Variants in OSBPL10 observed in about 807,000 individuals in gnomAD.
OSBPL10 encodes the protein oxysterol binding protein like 10, also known as oxysterol-binding protein-related protein 10.
Under a neutral mutation model 81.7 loss-of-function variants are expected in OSBPL10, and 49 were observed. That is an observed-to-expected ratio of 0.60 (90% confidence interval 0.48 to 0.76). The LOEUF (loss-of-function observed/expected upper bound fraction) is 0.76, where lower values mean the gene tolerates loss of function less well. Ranked by LOEUF, OSBPL10 falls within the 30% of genes least tolerant of loss-of-function variation. The pLI, the probability that OSBPL10 is intolerant of heterozygous loss-of-function variation, is 0.00. For missense variants in OSBPL10, 923 were observed against 987.8 expected (o/e 0.93, Z 0.88); for synonymous variants, 419 against 383.6 (o/e 1.09, Z -1.08).
chr3:31,910,414 T>A (rs1245465451), intron 1 of OSBPL10, among the ~76,000 whole-genome samples: 3 of 151,226 alleles, frequency 2.0e-5, no homozygotes, highest in Admixed American at 2.0e-4. Flanking sequence ...GCAGGCAGAT[T>A]ACCTGAGATC....
At chr3:31,664,482 G>C in intron 10 of OSBPL10, 1 of 573,236 alleles carries the variant, frequency 1.7e-6, no homozygotes, top group Non-Finnish European at 3.1e-6. Context: ...GGAGATTCTG[G>C]GAATCAAATC....
chr3:31,989,021 C>T, intron 2 of OSBPL10: 1 of 1,596,474 alleles, frequency 6.3e-7, no homozygotes, highest in Non-Finnish European at 8.6e-7. Context: ...TAATACAGAG[C>T]AGGAAGCAGA....
intron 4 of OSBPL10, among the ~76,000 whole-genome samples, chr3:31,748,394 G>A (rs1467447890): frequency 6.6e-6 from 1 of 152,152 alleles, no homozygotes; most frequent in Non-Finnish European, 1.5e-5. Context: ...AGATCTTCTG[G>A]AGGTAAGTCA....
intron 2 of OSBPL10, among the ~76,000 whole-genome samples, chr3:32,008,710 A>G: frequency 6.6e-6 from 1 of 150,824 alleles, no homozygotes. Flanking sequence ...AGATTGCACT[A>G]CTACACTCCA....
intron 5 of OSBPL10, among the ~76,000 whole-genome samples, chr3:31,733,904 G>C (rs904270075): frequency 6.6e-6 from 1 of 151,888 alleles, no homozygotes; most frequent in African/African-American, 2.4e-5. Flanking sequence ...CAGCTACTCG[G>C]GAGGCTGAGG....
intron 2 of OSBPL10, among the ~76,000 whole-genome samples, chr3:32,003,619 A>G (rs1252467260): frequency 6.6e-6 from 1 of 152,224 alleles, no homozygotes; most frequent in Non-Finnish European, 1.5e-5. Context: ...GAGGGAACAG[A>G]CTGCACAGTG....
At chr3:31,923,212 G>A (rs1696968418) in intron 1 of OSBPL10, among the ~76,000 whole-genome samples, 1 of 152,118 alleles carries the variant, frequency 6.6e-6, no homozygotes. Flanking sequence ...CCAGACTGGT[G>A]GAGGAAAGGG....
At chr3:31,989,566 C>T in intron 2 of OSBPL10, 1 of 1,614,190 alleles carries the variant, frequency 6.2e-7, no homozygotes, top group Non-Finnish European at 8.5e-7. Flanking sequence ...TCATTCGCAT[C>T]TTCCTGAACT....
intron 1 of OSBPL10, among the ~76,000 whole-genome samples, chr3:31,939,252 C>A (rs2125735659): frequency 6.7e-6 from 1 of 149,898 alleles, no homozygotes; most frequent in Admixed American, 6.7e-5. Flanking sequence ...TCAAACGATT[C>A]TCCTGCCTCA....
chr3:31,733,144 T>C, intron 6 of OSBPL10, 113 bp downstream of exon 6: 1 of 1,443,252 alleles, frequency 6.9e-7, no homozygotes, highest in Non-Finnish European at 9.4e-7. Flanking sequence ...CTTCCATTTT[T>C]TAATTTGTCT....
chr3:31,945,444 C>T (rs998354106), intron 1 of OSBPL10, among the ~76,000 whole-genome samples: 1 of 152,290 alleles, frequency 6.6e-6, no homozygotes, highest in South Asian at 2.1e-4. Context: ...CTTGCTTTGA[C>T]CAGAATCAGG....
chr3:32,029,936 G>T (rs1033474427), intron 2 of OSBPL10, among the ~76,000 whole-genome samples: 7 of 152,086 alleles, frequency 4.6e-5, no homozygotes, highest in African/African-American at 1.7e-4. Context: ...ATATCTGAAA[G>T]CAATAAACAC....
intron 2 of OSBPL10, among the ~76,000 whole-genome samples, chr3:32,028,163 A>G: frequency 6.6e-6 from 1 of 152,186 alleles, no homozygotes; most frequent in Non-Finnish European, 1.5e-5. Flanking sequence ...GAGGACATAC[A>G]CATGTGCATA....
intron 5 of OSBPL10, among the ~76,000 whole-genome samples, chr3:31,733,967 G>A (rs1033017386): frequency 1.4e-4 from 21 of 151,634 alleles, no homozygotes; most frequent in Non-Finnish European, 2.2e-4. Flanking sequence ...CTGAGATTGC[G>A]CCACTGCACT....
chr3:31,990,790 T>C (rs765450560), intron 2 of OSBPL10: 2 of 1,611,466 alleles, frequency 1.2e-6, no homozygotes, highest in African/African-American at 2.7e-5. Context: ...ATGTGATGAT[T>C]TTGACGAGGC....
chr3:31,884,950 G>A (rs1385212368), intron 1 of OSBPL10, among the ~76,000 whole-genome samples: 1 of 152,084 alleles, frequency 6.6e-6, no homozygotes, highest in Non-Finnish European at 1.5e-5. Context: ...GGGAGAAAGG[G>A]AAAATGAGGG....
At chr3:31,741,334 G>C (rs546731537) in intron 5 of OSBPL10, among the ~76,000 whole-genome samples, 1 of 152,130 alleles carries the variant, frequency 6.6e-6, no homozygotes, top group Non-Finnish European at 1.5e-5. Flanking sequence ...GCACAATCTC[G>C]GCTCACTGCA....
chr3:31,833,160 A>G (rs2125535814), intron 3 of OSBPL10, among the ~76,000 whole-genome samples: 1 of 152,314 alleles, frequency 6.6e-6, no homozygotes, highest in Non-Finnish European at 1.5e-5. Flanking sequence ...AAGTATTAAG[A>G]GTCCACTGAA....
At chr3:31,968,523 A>C (rs1351487620) in intron 1 of OSBPL10, among the ~76,000 whole-genome samples, 2 of 152,086 alleles carry the variant, frequency 1.3e-5, no homozygotes, top group East Asian at 1.9e-4. Flanking sequence ...AAAAAAAAAA[A>C]AAAACACTTT....
Sources: gnomAD v4.1 joint callset for allele counts (sites outside exome capture counted in the v4.1 genomes callset) on GRCh38, gnomAD v4.1.1 for gene constraint, MANE v1.5 for transcripts, NCBI Gene and HGNC (gene_info 2026-07-23, HGNC 2026-07-21) for gene names.